LPP: variants seen among roughly 807,000 people sequenced by gnomAD.
LPP encodes LIM domain containing preferred translocation partner in lipoma, also known as lipoma-preferred partner.
In LPP, 38 loss-of-function variants were observed where a neutral mutation model predicts 60.4. The ratio of observed to expected loss-of-function variants is 0.63; its 90% CI spans 0.49 to 0.83. The LOEUF (loss-of-function observed/expected upper bound fraction) is 0.83, where lower values mean the gene tolerates loss of function less well. Among genes scored for constraint, LPP ranks in the 40% least tolerant of loss-of-function variants. The pLI, the probability that LPP is intolerant of heterozygous loss-of-function variation, is 0.00. For synonymous variants in LPP, 328 were observed against 290.8 expected (o/e 1.13, Z -1.30); for missense variants, 902 against 783.6 (o/e 1.15, Z -1.80).
intron 1 of LPP, among the ~76,000 whole-genome samples, chr3:188,178,245 A>G (rs1341566337): frequency 6.6e-6 from 1 of 152,178 alleles, no homozygotes; most frequent in Non-Finnish European, 1.5e-5. Context: ...AGTGGAGGGC[A>G]CCACATGCCC....
At chr3:188,704,094 T>G (rs1189678060) in intron 7 of LPP, among the ~76,000 whole-genome samples, 4 of 152,200 alleles carry the variant, frequency 2.6e-5, no homozygotes, top group Non-Finnish European at 5.9e-5. Flanking sequence ...TAGCACTCTC[T>G]GTGGGAAGCA....
intron 8 of LPP, among the ~76,000 whole-genome samples, chr3:188,727,570 G>A (rs1019428157): frequency 7.9e-5 from 12 of 152,268 alleles, no homozygotes; most frequent in African/African-American, 2.9e-4. Context: ...GAAGAGTTAT[G>A]TAAAATTCTA....
At chr3:188,485,936 T>C (rs1806375096) in intron 5 of LPP, among the ~76,000 whole-genome samples, 2 of 152,064 alleles carry the variant, frequency 1.3e-5, no homozygotes, top group South Asian at 4.1e-4. Context: ...GTTTATTCTG[T>C]TATTCCGTCT....
chr3:188,575,138 C>G (rs1382869162), intron 6 of LPP, among the ~76,000 whole-genome samples: 2 of 152,104 alleles, frequency 1.3e-5, no homozygotes, highest in Non-Finnish European at 2.9e-5. Context: ...AGCATATTCC[C>G]AGGAGTCAGG....
chr3:188,375,451 G>A (rs535701088), intron 3 of LPP, among the ~76,000 whole-genome samples: 28 of 152,066 alleles, frequency 1.8e-4, no homozygotes, highest in African/African-American at 4.8e-4. Context: ...TGTATGTGTC[G>A]AGGAATTTAT....
intron 4 of LPP, among the ~76,000 whole-genome samples, chr3:188,434,221 G>T (rs780587470): frequency 6.6e-6 from 1 of 152,058 alleles, no homozygotes; most frequent in Non-Finnish European, 1.5e-5. Flanking sequence ...GAAACACATA[G>T]TACATTGACA....
chr3:188,516,597 C>A (rs761222962), intron 5 of LPP, among the ~76,000 whole-genome samples: 1 of 144,786 alleles, frequency 6.9e-6, no homozygotes, highest in Non-Finnish European at 1.5e-5. Context: ...CCCTTACTCC[C>A]CCTGCCCCAC....
At position 188,493,793 on chromosome 3, in the gene LPP, C is replaced by T. The variant is rs550566896; in HGVS notation, c.306+9089C>T. On this transcript the variant is annotated intron_variant, in intron 5 of 11. Transcript: ENST00000617246. ...AAATATATTTTAATCTTTCATTCAC[C>T]TTTTTCTTCTTTATGAACTCCTACT... 4.6e-5 allele frequency among the ~76,000 whole-genome samples: 7 copies of T among 152,134 alleles called. No homozygotes were observed. The South Asian group carries it at 1.5e-3, about 32-fold the overall frequency.
chr3:188,883,402 C>T lies in LPP; in HGVS notation c.*8923C>T. On this transcript the variant is annotated 3_prime_UTR_variant, in exon 12 of 12. Transcript: ENST00000617246. ...CAGTAACTAACCCATGAACAGTACA[C>T]CCCTTTTATCTGACTTGTTGATAAT... The T allele has an allele frequency of 4.8e-6, 1 of 208,434 alleles. No homozygotes were observed. The highest frequency in any genetic ancestry group is 9.8e-6 in the Non-Finnish European group (1 of 102,108). The allele number at this position is 208,434 out of a possible 1,614,324, so 12.9% of individuals were successfully genotyped here. A position where few individuals can be genotyped will look rare whatever the true frequency, so the allele number is the denominator to read the frequency against.
intron 4 of LPP, among the ~76,000 whole-genome samples, chr3:188,429,734 C>T (rs893433324): frequency 3.9e-5 from 6 of 152,268 alleles, no homozygotes; most frequent in African/African-American, 4.8e-5. Flanking sequence ...AATAGTTCCA[C>T]TGCAGAGTCT....
At chr3:188,623,258 C>CTT (rs112468971) in intron 7 of LPP, among the ~76,000 whole-genome samples, 27,282 of 135,866 alleles carry the variant, frequency 0.2, 3,247 homozygotes, top group South Asian at 0.39. Flanking sequence ...TATGAAGATA[C>CTT]TTTTTTTTTT....
At chr3:188,365,051 A>G (rs1265334195) in intron 3 of LPP, among the ~76,000 whole-genome samples, 1 of 152,118 alleles carries the variant, frequency 6.6e-6, no homozygotes, top group East Asian at 1.9e-4. Flanking sequence ...AGGGCTAATA[A>G]AGGGCTATTG....
rs142089734 is a variant in LPP at position 188,779,954 on chromosome 3, A to AAT, written c.1410+19685_1410+19686dup. Among the ~76,000 whole-genome samples, 407 of 151,366 alleles carry AAT rather than the reference A, an allele frequency of 2.7e-3. 6 individuals carry two copies. Among genetic ancestry groups the AAT allele is most frequent in the African/African-American group, 8.7e-3 (358 of 41,342 alleles). The stretch of plus-strand genomic sequence containing the variant: ...GAACAGATTTCTTCTTTCTTATTTA[A>AAT]ATATATATATATATGAGGAAATAAA... On this transcript the variant is annotated intron_variant, in intron 9 of 11. Transcript: ENST00000617246.
intron 2 of LPP, among the ~76,000 whole-genome samples, chr3:188,241,015 TA>T: frequency 6.6e-6 from 1 of 152,338 alleles, no homozygotes; most frequent in African/African-American, 2.4e-5. Context: ...ATGCATAGTC[TA>T]AAGTGATGAT....
chr3:188,449,810 T>A (rs929737534), intron 4 of LPP, among the ~76,000 whole-genome samples: 69 of 152,254 alleles, frequency 4.5e-4, no homozygotes, highest in African/African-American at 1.5e-3. Context: ...GCTATTATTA[T>A]TATTATTATT....
intron 9 of LPP, among the ~76,000 whole-genome samples, chr3:188,791,631 G>A (rs1039001264): frequency 5.9e-5 from 9 of 151,558 alleles, no homozygotes; most frequent in African/African-American, 1.7e-4. Context: ...TAGTCTATCC[G>A]TAGTCTTTTG....
At position 188,483,171 on chromosome 3, in the gene LPP, G is replaced by A. The variant is rs115173624; in HGVS notation, c.194-1421G>A. On this transcript the variant is annotated intron_variant, in intron 4 of 11. Transcript: ENST00000617246. ...TTGATTGCTTAGCAGTCTGAATTTG[G>A]CTTGGGGCTAGACCTGACAGTTCTT... Among the ~76,000 whole-genome samples the A allele has an allele frequency of 5.1e-3, 776 of 152,250 alleles. 7 individuals are homozygous for A. The highest frequency in any genetic ancestry group is 0.018 in the African/African-American group (745 of 41,536).
At chr3:188,381,539 A>G (rs1256712109) in intron 3 of LPP, among the ~76,000 whole-genome samples, 1 of 152,218 alleles carries the variant, frequency 6.6e-6, no homozygotes, top group African/African-American at 2.4e-5. Context: ...GGTTGGGGAA[A>G]GCAAAGTACC....
intron 3 of LPP, among the ~76,000 whole-genome samples, chr3:188,347,072 G>A (rs1764596758): frequency 1.3e-5 from 2 of 152,056 alleles, no homozygotes; most frequent in African/African-American, 4.8e-5. Flanking sequence ...AAATTGCTAG[G>A]TGCTCAGAGA....
Sources: allele counts gnomAD v4.1 joint callset (sites outside exome capture counted in the v4.1 genomes callset), GRCh38; gene constraint gnomAD v4.1.1; transcripts MANE v1.5; gene names NCBI Gene and HGNC (gene_info 2026-07-23, HGNC 2026-07-21).